NCL: variants seen among roughly 807,000 people sequenced by gnomAD.
NCL encodes nucleolin multifunctional protein.
A neutral mutation model predicts 77.7 loss-of-function variants in NCL; 4 were observed. The ratio of observed to expected loss-of-function variants is 0.05; its 90% confidence interval spans 0.03 to 0.12. The LOEUF is 0.12. Among genes scored for constraint, NCL ranks in the 10% least tolerant of loss-of-function variants. NCL has a pLI of 1.00. For synonymous variants in NCL, 344 were observed against 297.8 expected (o/e 1.16, Z -1.60); for missense variants, 763 against 860.9 (o/e 0.89, Z 1.42).
intron 1 of NCL, chr2:231,463,983 CCACGTGGCAGGCCGCGCTCCCGGG>C: frequency 9.8e-6 from 5 of 512,568 alleles, no homozygotes; most frequent in Non-Finnish European, 1.4e-5. Context: ...GCGGCGCGGC[CCACGTGGCAGGCCGCGCTCCCGGG>C]CACGTGCGTC....
At chr2:231,458,929 T>C (rs74622963) in intron 7 of NCL, 72 bp downstream of exon 7, 3 of 1,379,534 alleles carry the variant, frequency 2.2e-6, no homozygotes, top group Admixed American at 2.8e-5. Context: ...CCAAGGGAAA[T>C]GGGTTACAAA....
rs755636667 is a variant in NCL, at chr2:231,461,844, T to A, written c.309A>T (p.Ala103=). 6.2e-7 allele frequency: 1 copy of A among 1,613,552 alleles called. No homozygotes were observed. The highest frequency in any genetic ancestry group is 1.7e-5 in the Admixed American group (1 of 60,026). Residue 103 remains alanine (A), a synonymous_variant, in exon 3 of 14, where the codon GCA becomes GCT. Transcript: ENST00000322723. ...PAKKTVTPAK[A]VTTPGKKGAT... ...CTCCCTTCTTGCCAGGTGTGGTAAC[T>A]GCTTTGGCTGGTGTAACTGTCTTCT...
chr2:231,455,968 AC>A, intron 12 of NCL, 41 bp downstream of exon 12: 1 of 1,614,022 alleles, frequency 6.2e-7, no homozygotes, highest in South Asian at 1.1e-5. Context: ...CAGAACAAAA[AC>A]CCCTTCAAGT....
intron 11 of NCL, 88 bp from the exon 12 acceptor site, chr2:231,456,224 G>C: frequency 6.6e-6 from 10 of 1,518,380 alleles, no homozygotes; most frequent in Non-Finnish European, 9.0e-6. Context: ...TACTAGCCAA[G>C]AATACTTGTT....
At position 231,455,536 on chromosome 2, in the gene NCL, T is replaced by C. The variant is rs1166435374; in HGVS notation, c.1921A>G (p.Thr641Ala). ...CCCTTAGGTTTGGCCCAGTCCAAGG[T>C]AACTTTATTTCCATCAATTTCACCG... The part of the protein sequence containing the change: ...EDGEIDGNKV[T>A]LDWAKPKGEG... The change falls in exon 13 of 14, where the codon ACC becomes GCC. Residue 641 changes from threonine (T) to alanine (A), a missense_variant. Physicochemically the swap from Thr to Ala is moderately conservative, Grantham distance 58. This residue lies in a region of NCL where 173 missense variants were observed against 290.4 expected (regional missense o/e 0.60). Transcript: ENST00000322723. The C allele has an allele frequency of 1.9e-6, 3 of 1,614,188 alleles. No homozygotes were observed. The highest frequency in any genetic ancestry group is 2.5e-6 in the Non-Finnish European group (3 of 1,180,038).
chr2:231,464,238 G>C (rs2046979058), intron 1 of NCL, 98 bp downstream of exon 1: 2 of 1,507,892 alleles, frequency 1.3e-6, no homozygotes, highest in African/African-American at 2.8e-5. Context: ...GCCCTAGAAC[G>C]CGCCCGGGAC....
At chr2:231,460,040 A>G (rs1345524401) in intron 6 of NCL, 112 bp downstream of exon 6, 2 of 1,208,782 alleles carry the variant, frequency 1.7e-6, no homozygotes, top group African/African-American at 1.5e-5. Flanking sequence ...TAATCCTTGA[A>G]GATGTTTACA....
Position 231,454,481 on chromosome 2 carries a change from T to A in NCL, c.*710A>T, listed in dbSNP as rs2046863270. 6.6e-6 allele frequency: 1 copy of A among 152,336 alleles called. No homozygotes were observed. Among genetic ancestry groups the A allele is most frequent in the Non-Finnish European group, 1.5e-5 (1 of 68,136 alleles). The allele number at this position is 152,336 out of a possible 1,614,324, so 9.4% of individuals were successfully genotyped here. ...CTTGTCCTAGGAAACCTGACTAATC[T>A]GTTCCTGCACCTCTTTCCAGAGTGG... On this transcript the variant is annotated 3_prime_UTR_variant, in exon 14 of 14. Coordinates refer to ENST00000322723, the MANE Select transcript of NCL (RefSeq NM_005381.3).
At chr2:231,455,667 T>G (rs1419214730) in intron 12 of NCL, 43 bp from the exon 13 acceptor site, 2 of 1,590,790 alleles carry the variant, frequency 1.3e-6, no homozygotes, top group African/African-American at 2.7e-5. Context: ...AAGCACCTAC[T>G]ACACATGTCC....
At position 231,461,967 on chromosome 2, in the gene NCL, C is replaced by T. The variant is rs1309104987; in HGVS notation, c.186G>A (p.Lys62=). The T allele has an allele frequency of 5.6e-6, 9 of 1,614,208 alleles. No individual in the cohort carries two copies. Among genetic ancestry groups the T allele is most frequent in the Non-Finnish European group, 7.6e-6 (9 of 1,180,036 alleles). Residue 62 remains lysine, a synonymous_variant, in exon 3 of 14, where the codon AAG becomes AAA. Coordinates refer to ENST00000322723, the MANE Select transcript of NCL (RefSeq NM_005381.3). ...TTTTTGTTGGGGAAACGACCACCTT[C>T]TTTGCTGAGGTTGCAGCAGCCTTCT... ...KGKKAAATSA[K]KVVVSPTKKV...
At chr2:231,460,640 T>C (rs1309006599) in intron 4 of NCL, 29 bp downstream of exon 4, 3 of 1,614,160 alleles carry the variant, frequency 1.9e-6, no homozygotes, top group South Asian at 1.1e-5. Context: ...ACATAACTCA[T>C]GTCGTATGTC....
At chr2:231,456,948 G>C (rs2046895425) in intron 10 of NCL, 53 bp downstream of exon 10, 2 of 1,593,668 alleles carry the variant, frequency 1.3e-6, no homozygotes, top group African/African-American at 1.4e-5. Context: ...CGTTCCTTTA[G>C]ACCTCTAAGA....
rs973980235 is a variant in NCL, at chr2:231,457,690, T to C, written c.1400A>G (p.Lys467Arg). The part of the protein sequence containing the change: ...RSISLYYTGE[K>R]GQNQDYRGGK... ...ACCTCTATAGTCTTGATTTTGACCT[T>C]TCTCTCCAGTATAGTACAGGGAAAT... The change falls in exon 9 of 14, where the codon AAA becomes AGA. Residue 467 changes from lysine (K) to arginine (R), a missense_variant. Lys to Arg is a conservative substitution (Grantham distance 26). Coordinates refer to ENST00000322723, the MANE Select transcript of NCL (RefSeq NM_005381.3). 1.2e-6 allele frequency: 2 copies of C among 1,611,916 alleles called. No individual in the cohort carries two copies. Among genetic ancestry groups the C allele is most frequent in the Non-Finnish European group, 1.7e-6 (2 of 1,178,758 alleles).
rs376801137 is a variant in NCL at position 231,457,764 on chromosome 2, T to G, written c.1326A>C (p.Ala442=). ...CCTGCTTTTCTTCAAAGGTTTTCTC[T>G]GCATCAGCTTCTGTCTTAAATTCAA... The part of the protein sequence containing the change: ...AYIEFKTEAD[A]EKTFEEKQGT... The change falls in exon 9 of 14, where the codon GCA becomes GCC. Residue 442 remains alanine, a synonymous_variant. Transcript: ENST00000322723. 14 of 1,612,262 alleles carry G rather than the reference T, an allele frequency of 8.7e-6. No individual in the cohort carries two copies. Among genetic ancestry groups the G allele is most frequent in the African/African-American group, 1.3e-5 (1 of 74,900 alleles).
rs1341903933 is a variant in NCL, at chr2:231,457,389, T to G, written c.1447+254A>C. ...TCAAAACGCACATGGTCAAGTCATT[T>G]AAAGTATAAAACATGCCTACAAAGG... On this transcript the variant is annotated intron_variant, in intron 9 of 13. Coordinates refer to ENST00000322723, the MANE Select transcript of NCL (RefSeq NM_005381.3). 2.0e-5 allele frequency: 15 copies of G among 748,072 alleles called. No individual in the cohort carries two copies. In the East Asian group the frequency reaches 3.8e-4, roughly 19 times the overall value. The allele number at this position is 748,072 out of a possible 1,614,324, so 46.3% of individuals were successfully genotyped here. A position where few individuals can be genotyped will look rare whatever the true frequency, so the allele number is the denominator to read the frequency against.
Position 231,460,226 on chromosome 2 carries a change from T to G in NCL, c.966A>C (p.Glu322Asp). The change falls in exon 6 of 14, where the codon GAA becomes GAC. Residue 322 changes from glutamate to aspartate, a missense_variant. Physicochemically the swap from Glu to Asp is conservative, Grantham distance 45 (BLOSUM62 2). This residue lies in a region of NCL where 590 missense variants were observed against 570.5 expected (regional missense o/e 1.03). Coordinates refer to ENST00000322723, the MANE Select transcript of NCL (RefSeq NM_005381.3). ...GNLNFNKSAP[E>D]LKTGISDVFA... ...AAACATCGCTGATACCAGTTTTTAA[T>G]TCAGGAGCAGATTTGTTAAAGTTTA... is the stretch of plus-strand genomic sequence containing the variant. 1.9e-6 allele frequency: 3 copies of G among 1,614,140 alleles called. No individual in the cohort carries two copies. Among genetic ancestry groups the G allele is most frequent in the Non-Finnish European group, 1.7e-6 (2 of 1,180,020 alleles).
At chr2:231,455,908 A>G in intron 12 of NCL, 102 bp downstream of exon 12, 1 of 1,569,800 alleles carries the variant, frequency 6.4e-7, no homozygotes, top group African/African-American at 1.3e-5. Context: ...ACTGCCACTG[A>G]TAGACAGAAA....
In NCL at chr2:231,456,382, G is replaced by A. The variant is rs1172873180; in HGVS notation, c.1706-246C>T. 4.4e-6 allele frequency: 4 copies of A among 908,896 alleles called. No individual in the cohort carries two copies. In the African/African-American group the frequency reaches 4.9e-5, roughly 11 times the overall value. 56.3% of individuals were successfully genotyped at this position (908,896 alleles called of 1,614,324 possible). A position where few individuals can be genotyped will look rare whatever the true frequency, so the allele number is the denominator to read the frequency against. On this transcript the variant is annotated intron_variant, in intron 11 of 13. Coordinates refer to ENST00000322723, the MANE Select transcript of NCL (RefSeq NM_005381.3). ...GAAAGTGGGAGAAGCAACCCAAGCA[G>A]GTGGGGCCCAGTGGATGGGGCAGGA... is the stretch of plus-strand genomic sequence containing the variant.
chr2:231,458,364 A>G lies in NCL; in HGVS notation c.1191T>C (p.Ala397=). 2 of 1,614,078 alleles carry G rather than the reference A, an allele frequency of 1.2e-6. No individual in the cohort carries two copies. Among genetic ancestry groups the G allele is most frequent in the Non-Finnish European group, 1.7e-6 (2 of 1,179,984 alleles). ...KKERDARTLL[A]KNLPYKVTQD... is the part of the protein sequence containing the mutation. The stretch of plus-strand genomic sequence containing the variant: ...GAGTGACTTTGTAAGGGAGATTTTT[A>G]GCCAAAAGTGTTCTCGCATCTCGCT... Residue 397 remains alanine, a synonymous_variant, in exon 8 of 14, where the codon GCT becomes GCC. Coordinates refer to ENST00000322723, the MANE Select transcript of NCL (RefSeq NM_005381.3).
Sources: gnomAD v4.1 joint callset for allele counts on GRCh38, gnomAD v4.1.1 for gene constraint, gnomAD v4.1.1 regional missense constraint, MANE v1.5 for transcripts, NCBI Gene and HGNC (gene_info 2026-07-23, HGNC 2026-07-21) for gene names.